SULT1C3: variants seen among roughly 807,000 people sequenced by gnomAD.
The protein encoded by SULT1C3 is sulfotransferase 1C3.
In SULT1C3, 31 loss-of-function variants were observed where a neutral mutation model predicts 28.4. The observed-to-expected ratio is 1.09, with a 90% CI of 0.82 to 1.47. The LOEUF is 1.47. Ranked by LOEUF, SULT1C3 falls within the 40% of genes most tolerant of loss-of-function variation. The pLI, the probability that SULT1C3 is intolerant of heterozygous loss-of-function variation, is 0.00. For missense variants in SULT1C3, 307 were observed against 272.5 expected, an observed-to-expected ratio of 1.13 and a Z score of -0.89; for synonymous variants, 106 against 92.2, an observed-to-expected ratio of 1.15 and a Z score of -0.86.
At chr2:108,243,313 A>G (rs1675505613) in intron 1 of SULT1C3, among the ~76,000 whole-genome samples, 1 of 152,160 alleles carries the variant, frequency 6.6e-6, no homozygotes, top group Admixed American at 6.5e-5. Context: ...CTTTAAAACA[A>G]AGATGGTAAC....
At chr2:108,245,127 T>G (rs998298795) in intron 1 of SULT1C3, among the ~76,000 whole-genome samples, 2 of 152,194 alleles carry the variant, frequency 1.3e-5, no homozygotes, top group Non-Finnish European at 2.9e-5. Context: ...TTTTCTGTCT[T>G]TGGCTCCTGA....
chr2:108,242,790 C>G (rs1157431370), intron 1 of SULT1C3, among the ~76,000 whole-genome samples: 5 of 152,136 alleles, frequency 3.3e-5, no homozygotes, highest in African/African-American at 1.2e-4. Flanking sequence ...GGCACCTCCT[C>G]TGTTTTTCCC....
Position 108,255,615 on chromosome 2 carries a change from ACT to A in SULT1C3, c.444_445del (p.Tyr148Ter), listed in dbSNP as rs1675847522. On this transcript the variant is annotated stop_gained and frameshift_variant, in exon 5 of 8. Transcript: ENST00000681802. LOFTEE classifies it high-confidence loss of function. ...AATCCCAAGGATTGCCTGGTGTCCT[ACT>A]ACCACTTTCACAGGATGGCTTCCTT... is the stretch of plus-strand genomic sequence containing the variant. 1 of 1,611,772 alleles carries A rather than the reference ACT, an allele frequency of 6.2e-7. No homozygotes were observed.
rs977577514 is a variant in SULT1C3, at chr2:108,259,009, AAACTTGGTCAGGTGATGTT to A, written c.667_685del (p.Thr223Ter). ...CACAAGGTGTTGGAATTCTTGGAGA[AAACTTGGTCAGGTGATGTT>A]ATAAACAAGATTGTCCACCATACCT... is the stretch of plus-strand genomic sequence containing the variant. On this transcript the variant is annotated frameshift_variant, in exon 7 of 8. Transcript: ENST00000681802. LOFTEE classifies it high-confidence loss of function. 1 of 326,490 alleles carries A rather than the reference AAACTTGGTCAGGTGATGTT, an allele frequency of 3.1e-6. No homozygotes were observed. Among genetic ancestry groups the A allele is most frequent in the Non-Finnish European group, 6.6e-6 (1 of 151,868 alleles). 20.2% of individuals were successfully genotyped at this position (326,490 alleles called of 1,614,324 possible). A position where few individuals can be genotyped will look rare whatever the true frequency, so the allele number is the denominator to read the frequency against.
At chr2:108,244,557 A>T (rs562921841) in intron 1 of SULT1C3, among the ~76,000 whole-genome samples, 87 of 152,174 alleles carry the variant, frequency 5.7e-4, no homozygotes, top group Non-Finnish European at 1.1e-3. Flanking sequence ...CAAAATTCTC[A>T]TCTGCTTGCA....
In SULT1C3 at chr2:108,255,622, C is replaced by G; in HGVS notation, c.450C>G (p.His150Gln). 6.2e-7 allele frequency: 1 copy of G among 1,612,014 alleles called. No individual in the cohort carries two copies. The highest frequency in any genetic ancestry group is 8.5e-7 in the Non-Finnish European group (1 of 1,178,610). ...NPKDCLVSYY[H>Q]FHRMASFMPD... is the part of the protein sequence containing the mutation. ...AGGATTGCCTGGTGTCCTACTACCA[C>G]TTTCACAGGATGGCTTCCTTTATGC... is the stretch of plus-strand genomic sequence containing the variant. Residue 150 changes from histidine (H) to glutamine (Q), a missense_variant, in exon 5 of 8, where the codon CAC becomes CAG. By Grantham distance (24) the His-to-Gln change is conservative. Transcript: ENST00000681802.
At chr2:108,249,529 G>C (rs1210330997) in intron 2 of SULT1C3, among the ~76,000 whole-genome samples, 1 of 151,916 alleles carries the variant, frequency 6.6e-6, no homozygotes, top group African/African-American at 2.4e-5. Flanking sequence ...AAAATAAATA[G>C]CACCTGAAAA....
chr2:108,256,643 T>G (rs1558665554), intron 5 of SULT1C3, among the ~76,000 whole-genome samples: 1 of 152,184 alleles, frequency 6.6e-6, no homozygotes, highest in East Asian at 1.9e-4. Flanking sequence ...GACCTGAGCT[T>G]CATTATAACC....
At chr2:108,242,386 G>A (rs537150521) in intron 1 of SULT1C3, among the ~76,000 whole-genome samples, 2 of 152,256 alleles carry the variant, frequency 1.3e-5, no homozygotes, top group East Asian at 3.9e-4. Context: ...TGGCTTTAGG[G>A]TGGAGCCCTT....
intron 1 of SULT1C3, among the ~76,000 whole-genome samples, chr2:108,244,639 T>A (rs1675537371): frequency 6.6e-6 from 1 of 152,162 alleles, no homozygotes. Context: ...AGAGGGCAAA[T>A]AACTGAGTTA....
At chr2:108,248,933 G>A (rs2104385453) in intron 2 of SULT1C3, among the ~76,000 whole-genome samples, 1 of 152,232 alleles carries the variant, frequency 6.6e-6, no homozygotes, top group South Asian at 2.1e-4. Flanking sequence ...ATGTGGCAGA[G>A]GAGAAAGTCT....
chr2:108,252,508 C>T lies in SULT1C3; in HGVS notation c.301+15C>T, dbSNP rs776781581. The T allele has an allele frequency of 5.8e-5, 93 of 1,610,434 alleles. 1 individual carries two copies. The South Asian group carries it at 5.9e-4, about 10-fold the overall frequency. ...AGAAAAACCAGGTGAGTAATATGCA[C>T]GAAGATAGAAAGGACTTTCACTTCA... On this transcript the variant is annotated intron_variant, in intron 3 of 7. Transcript: ENST00000681802.
intron 1 of SULT1C3, among the ~76,000 whole-genome samples, chr2:108,241,168 G>A (rs1235003685): frequency 1.3e-5 from 2 of 152,224 alleles, no homozygotes; most frequent in Non-Finnish European, 2.9e-5. Flanking sequence ...TCCCCAAGAG[G>A]CTTTATTGGC....
At chr2:108,258,710 T>C (rs1675936957) in intron 5 of SULT1C3, 24 bp from the exon 6 acceptor site, 1 of 1,593,442 alleles carries the variant, frequency 6.3e-7, no homozygotes, top group Non-Finnish European at 8.6e-7. Flanking sequence ...TACTGGGAAC[T>C]AACAGTGCTC....
In SULT1C3 at chr2:108,252,262, AT is replaced by A. The variant is rs1167866111; in HGVS notation, c.173-99del. 2.6e-6 allele frequency: 3 copies of A among 1,164,408 alleles called. No homozygotes were observed. In the African/African-American group the frequency reaches 4.7e-5, roughly 18 times the overall value. 72.1% of individuals were successfully genotyped at this position (1,164,408 alleles called of 1,614,324 possible). A position where few individuals can be genotyped will look rare whatever the true frequency, so the allele number is the denominator to read the frequency against. On this transcript the variant is annotated intron_variant, in intron 2 of 7. Coordinates refer to ENST00000681802, the MANE Select transcript of SULT1C3 (RefSeq NM_001320878.2). ...TTTCTGCCTTGGCAACATTGATCTA[AT>A]TTTAAAGTGCTCTCATGTTGCTGTC...
chr2:108,247,144 A>G, intron 1 of SULT1C3, 44 bp from the exon 2 acceptor site: 1 of 1,368,280 alleles, frequency 7.3e-7, no homozygotes, highest in Non-Finnish European at 9.6e-7. Context: ...CCATAAAACA[A>G]CATTTTTAAA....
downstream of SULT1C3, among the ~76,000 whole-genome samples, chr2:108,261,592 GC>G (rs1676028924): frequency 6.6e-6 from 1 of 152,130 alleles, no homozygotes. Flanking sequence ...GTAGGTGGAT[GC>G]CAACAGGGCT....
At chr2:108,261,847 A>C (rs1323253937), downstream of SULT1C3, among the ~76,000 whole-genome samples, 1 of 152,138 alleles carries the variant, frequency 6.6e-6, no homozygotes, top group Non-Finnish European at 1.5e-5. Context: ...CAAAGGGGAA[A>C]TGACATCCTA....
chr2:108,258,702 C>T, intron 5 of SULT1C3, 32 bp from the exon 6 acceptor site: 1 of 1,557,736 alleles, frequency 6.4e-7, no homozygotes, highest in Non-Finnish European at 8.8e-7. Flanking sequence ...TGTCCCAGTA[C>T]TGGGAACTAA....
Sources: allele counts gnomAD v4.1 joint callset (sites outside exome capture counted in the v4.1 genomes callset), GRCh38; gene constraint gnomAD v4.1.1; transcripts MANE v1.5; gene names NCBI Gene and HGNC (gene_info 2026-07-23, HGNC 2026-07-21).